NOTCH3: variants seen among roughly 807,000 people sequenced by gnomAD.
The protein encoded by NOTCH3 is neurogenic locus notch homolog protein 3.
In NOTCH3, 86 loss-of-function variants were observed where a neutral mutation model predicts 213.3. That is an observed-to-expected ratio of 0.40 (90% CI 0.34 to 0.48). The LOEUF (loss-of-function observed/expected upper bound fraction) is 0.48. NOTCH3 is among the 20% of genes least tolerant of loss of function. The pLI is 0.57. For synonymous variants in NOTCH3, 1,354 were observed against 1,355.9 expected, an observed-to-expected ratio of 1.00 and a Z score of 0.03; for missense variants, 2,783 against 3,272.6, an observed-to-expected ratio of 0.85 and a Z score of 3.65.
intron 2 of NOTCH3, among the ~76,000 whole-genome samples, chr19:15,193,706 G>A (rs574360430): frequency 6.7e-5 from 10 of 149,722 alleles, no homozygotes; most frequent in African/African-American, 2.0e-4. Context: ...AGGAGGCGGA[G>A]GTTGCAGTGA....
intron 32 of NOTCH3, 142 bp from the exon 33 acceptor site, chr19:15,161,856 G>A: frequency 1.4e-6 from 1 of 699,458 alleles, no homozygotes; most frequent in Non-Finnish European, 2.4e-6. Context: ...TGTGCTGGGG[G>A]AGCCTGGACA....
rs1568362655 is a variant in NOTCH3, at chr19:15,193,783, AAAACAAAAAAAAC to A, written c.198-1277_198-1265del. The stretch of plus-strand genomic sequence containing the variant: ...GAGACTCCATCTCAAAAAAAAACAA[AAAACAAAAAAAAC>A]AAACAGGCCAGGCGCAGTGGCTCAT... On this transcript the variant is annotated intron_variant, in intron 2 of 32. Transcript: ENST00000263388. 5.1e-5 allele frequency among the ~76,000 whole-genome samples: 7 copies of A among 136,928 alleles called. 2 individuals are homozygous for A. The South Asian group carries it at 6.9e-4, about 13-fold the overall frequency. 89.8% of individuals were successfully genotyped at this position (136,928 alleles called of 152,430 possible).
At chr19:15,187,041 CACCATTCCCAA>C in intron 11 of NOTCH3, 53 bp from the exon 12 acceptor site, 1 of 1,606,368 alleles carries the variant, frequency 6.2e-7, no homozygotes, top group Non-Finnish European at 8.5e-7. Context: ...CCACTAGATG[CACCATTCCCAA>C]ACCCTCTGTG....
chr19:15,199,178 T>C (rs985428305), intron 1 of NOTCH3, among the ~76,000 whole-genome samples: 1 of 151,996 alleles, frequency 6.6e-6, no homozygotes, highest in Non-Finnish European at 1.5e-5. Context: ...TGTCTGTATG[T>C]GGATTTGGGC....
At chr19:15,177,464 A>G (rs2046801083) in intron 24 of NOTCH3, 61 bp downstream of exon 24, 2 of 1,500,328 alleles carry the variant, frequency 1.3e-6, no homozygotes, top group African/African-American at 2.8e-5. Flanking sequence ...GGCAGGGCCC[A>G]CGGACAAACA....
rs1187565774 is a variant in NOTCH3, at chr19:15,165,388, A to T, written c.5795T>A (p.Val1932Asp). Residue 1932 changes from valine to aspartate, a missense_variant, in exon 31 of 33, where the codon GTC becomes GAC. Coordinates refer to ENST00000263388, the MANE Select transcript of NOTCH3 (RefSeq NM_000435.3). The surrounding 1 kb of genome is among the most constrained non-coding windows in gnomAD (Gnocchi z 4.7). ...VEELIASHAD[V>D]NAVDELGKSA... ...CCTACCAAGCTCATCCACAGCATTG[A>T]CATCAGCATGGCTGGCGATGAGCTC... The T allele has an allele frequency of 1.2e-6, 2 of 1,608,236 alleles. No individual in the cohort carries two copies. Among genetic ancestry groups the T allele is most frequent in the Non-Finnish European group, 1.7e-6 (2 of 1,180,026 alleles).
At chr19:15,195,257 A>G (rs924039504) in intron 2 of NOTCH3, among the ~76,000 whole-genome samples, 7 of 151,434 alleles carry the variant, frequency 4.6e-5, no homozygotes, top group African/African-American at 7.3e-5. Flanking sequence ...TACTGACACC[A>G]CTGTTGGTAC....
chr19:15,175,871 G>A (rs2046785925), intron 24 of NOTCH3, among the ~76,000 whole-genome samples: 1 of 151,650 alleles, frequency 6.6e-6, no homozygotes, highest in African/African-American at 2.4e-5. Context: ...CTGGAACAGA[G>A]TGAGTGAGGG....
At chr19:15,173,748 AAGAAGGAGAAGG>A (rs1193187942) in intron 25 of NOTCH3, among the ~76,000 whole-genome samples, 16 of 5,516 alleles carry the variant, frequency 2.9e-3, no homozygotes, top group East Asian at 7.6e-3. Context: ...AAAAGAAAAG[AAGAAGGAGAAGG>A]AGAAGGAGAA....
At chr19:15,200,753 GC>G in intron 1 of NOTCH3, 34 bp downstream of exon 1, 1 of 1,255,922 alleles carries the variant, frequency 8.0e-7, no homozygotes, top group South Asian at 3.1e-5. Flanking sequence ...CCCCTCTGCC[GC>G]CCTCGTCCCA....
chr19:15,175,152 C>T (rs768491520), intron 24 of NOTCH3, among the ~76,000 whole-genome samples: 3 of 152,140 alleles, frequency 2.0e-5, no homozygotes, highest in Non-Finnish European at 4.4e-5. Context: ...TCCTGGTCCA[C>T]GTGCAGCTGG....
Position 15,179,206 on chromosome 19 carries a change from A to G in NOTCH3, c.3537T>C (p.Asn1179=), listed in dbSNP as rs201850321. 1.2e-6 allele frequency: 2 copies of G among 1,613,998 alleles called. No homozygotes were observed. The highest frequency in any genetic ancestry group is 3.3e-5 in the Admixed American group (2 of 60,028). ...CACCCACCAGGTCCACGCAGGTGCCATTGTGTAGGCACCGGGGCCCTGAGT... is the reference window on the plus strand; with the variant it reads ...CACCCACCAGGTCCACGCAGGTGCCGTTGTGTAGGCACCGGGGCCCTGAGT... The part of the protein sequence containing the change: ...PLDSGPRCLH[N]GTCVDLVGGF... Residue 1179 remains asparagine (N), a synonymous_variant, in exon 22 of 33, where the codon AAT becomes AAC. Transcript: ENST00000263388.
At chr19:15,179,572 A>C in intron 20 of NOTCH3, 76 bp from the exon 21 acceptor site, 1 of 1,515,398 alleles carries the variant, frequency 6.6e-7, no homozygotes, top group Non-Finnish European at 9.1e-7. Flanking sequence ...TGAAGACGCA[A>C]AGAACCCCAG....
At chr19:15,182,330 G>C (rs545907885) in intron 16 of NOTCH3, among the ~76,000 whole-genome samples, 36 of 152,074 alleles carry the variant, frequency 2.4e-4, no homozygotes, top group African/African-American at 7.0e-4. Context: ...AACATGGCAA[G>C]ACCCCATTTC....
Position 15,165,981 on chromosome 19 carries a change from T to G in NOTCH3, c.5473A>C (p.Ile1825Leu). 6.2e-7 allele frequency: 1 copy of G among 1,614,132 alleles called. No individual in the cohort carries two copies. Among genetic ancestry groups the G allele is most frequent in the Non-Finnish European group, 8.5e-7 (1 of 1,180,026 alleles). The part of the protein sequence containing the change: ...DTSASIISDL[I>L]CQGAQLGART... ...GCCCCAAGCTGAGCCCCCTGGCAGA[T>G]CAGGTCGGAGATGATGCTAGCTGAT... The change falls in exon 30 of 33, where the codon ATC becomes CTC. Residue 1825 changes from isoleucine (I) to leucine (L), a missense_variant. Around this residue, in one of 6 missense-constraint regions of NOTCH3, gnomAD observed 636 missense variants for 801.8 expected, o/e 0.79. Transcript: ENST00000263388. This position sits in a 1 kb window ranked among gnomAD's most constrained non-coding sequence, Gnocchi z 4.7.
In NOTCH3 at chr19:15,174,938, T is replaced by C. The variant is rs992428651; in HGVS notation, c.4404-538A>G. Among the ~76,000 whole-genome samples, 4 of 151,988 alleles carry C rather than the reference T, an allele frequency of 2.6e-5. No individual in the cohort carries two copies. In the East Asian group the frequency reaches 7.7e-4, roughly 29 times the overall value. ...TCTTGCTCTGTTGCCCACGCCGGAGTGCAGTGGTGCAATCATAGCTCTCTG... is the reference window on the plus strand; with the variant it reads ...TCTTGCTCTGTTGCCCACGCCGGAGCGCAGTGGTGCAATCATAGCTCTCTG... On this transcript the variant is annotated intron_variant, in intron 24 of 32. Coordinates refer to ENST00000263388, the MANE Select transcript of NOTCH3 (RefSeq NM_000435.3).
intron 24 of NOTCH3, among the ~76,000 whole-genome samples, chr19:15,177,198 G>A (rs930255301): frequency 6.7e-6 from 1 of 149,582 alleles, no homozygotes; most frequent in East Asian, 2.0e-4. Flanking sequence ...GCAGTGAGCC[G>A]AGATCGCGCC....
intron 2 of NOTCH3, 59 bp downstream of exon 2, chr19:15,197,441 G>GCCCCC: frequency 2.7e-5 from 21 of 768,320 alleles, no homozygotes; most frequent in Admixed American, 4.0e-5. Flanking sequence ...AAGACAAATC[G>GCCCCC]CCCCTCCCCC....
At chr19:15,192,946 A>G (rs545389913) in intron 2 of NOTCH3, among the ~76,000 whole-genome samples, 14 of 152,094 alleles carry the variant, frequency 9.2e-5, no homozygotes, top group Non-Finnish European at 1.5e-4. Flanking sequence ...ACACACATTC[A>G]TTCATGCAAC....
Sources: allele counts gnomAD v4.1 joint callset (sites outside exome capture counted in the v4.1 genomes callset), GRCh38; gene constraint gnomAD v4.1.1; regional missense constraint gnomAD v4.1.1; non-coding constraint Gnocchi (gnomAD v3.1); transcripts MANE v1.5; gene names NCBI Gene and HGNC (gene_info 2026-07-23, HGNC 2026-07-21).